RAPGEF5: variants seen among roughly 807,000 people sequenced by gnomAD.
RAPGEF5 encodes M-Ras-regulated GEF.
In RAPGEF5, 65 loss-of-function variants were observed where a neutral mutation model predicts 125.2. That is an observed-to-expected ratio of 0.52 (90% CI 0.43 to 0.64). The LOEUF (loss-of-function observed/expected upper bound fraction) is 0.64, where lower values mean the gene tolerates loss of function less well. RAPGEF5 is among the 30% of genes least tolerant of loss of function. RAPGEF5 has a pLI of 0.00. For missense variants in RAPGEF5, 958 were observed against 1,048.1 expected (o/e 0.91, Z 1.19); for synonymous variants, 391 against 385.9 (o/e 1.01, Z -0.16).
chr7:22,304,695 G>A (rs1292949479), intron 5 of RAPGEF5, among the ~76,000 whole-genome samples: 1 of 152,208 alleles, frequency 6.6e-6, no homozygotes, highest in African/African-American at 2.4e-5. Flanking sequence ...GACAGGAAAG[G>A]CTGAAAGGAG....
At chr7:22,349,931 A>G (rs1784297810) in intron 1 of RAPGEF5, among the ~76,000 whole-genome samples, 1 of 152,156 alleles carries the variant, frequency 6.6e-6, no homozygotes, top group African/African-American at 2.4e-5. Flanking sequence ...GGAGGTTTCA[A>G]TCTGAAGAAG....
chr7:22,330,758 T>G (rs866123002), intron 1 of RAPGEF5, among the ~76,000 whole-genome samples: 7 of 152,296 alleles, frequency 4.6e-5, no homozygotes, highest in South Asian at 4.1e-4. Flanking sequence ...TATATCAGCT[T>G]CAGAAACAGG....
chr7:22,196,627 AAATGCAAGAGAC>A (rs1469910369), intron 9 of RAPGEF5, among the ~76,000 whole-genome samples: 2 of 152,212 alleles, frequency 1.3e-5, no homozygotes, highest in African/African-American at 4.8e-5. Context: ...AGATGTGGCC[AAATGCAAGAGAC>A]AATGCAAAAG....
chr7:22,325,808 T>A (rs1329704132), intron 1 of RAPGEF5, among the ~76,000 whole-genome samples: 1 of 152,182 alleles, frequency 6.6e-6, no homozygotes, highest in Non-Finnish European at 1.5e-5. Flanking sequence ...AAGCAATCCT[T>A]GCACCACAGG....
intron 6 of RAPGEF5, among the ~76,000 whole-genome samples, chr7:22,284,523 T>C (rs10262849): frequency 0.21 from 31,444 of 152,158 alleles, 3,661 homozygotes; most frequent in East Asian, 0.52. Flanking sequence ...CAAAACTCAA[T>C]CTGCCTGGCC....
At chr7:22,264,333 T>G (rs532864986) in intron 7 of RAPGEF5, among the ~76,000 whole-genome samples, 56 of 152,318 alleles carry the variant, frequency 3.7e-4, no homozygotes, top group African/African-American at 1.3e-3. Context: ...TGAGATCACT[T>G]TACTCTGTCC....
chr7:22,142,148 C>T (rs971345695), intron 20 of RAPGEF5, among the ~76,000 whole-genome samples: 3 of 152,182 alleles, frequency 2.0e-5, no homozygotes, highest in Non-Finnish European at 2.9e-5. Flanking sequence ...AGCTCCAGTT[C>T]GAAGTCTCTC....
At chr7:22,202,220 A>G (rs915710598) in intron 9 of RAPGEF5, among the ~76,000 whole-genome samples, 1 of 152,154 alleles carries the variant, frequency 6.6e-6, no homozygotes, top group Non-Finnish European at 1.5e-5. Flanking sequence ...TGGGCATAGC[A>G]CTCTGACGCA....
intron 7 of RAPGEF5, among the ~76,000 whole-genome samples, chr7:22,240,209 C>CA (rs35460153): frequency 0.032 from 2,537 of 78,570 alleles, 89 homozygotes; most frequent in African/African-American, 0.093. Context: ...GACTCCACCT[C>CA]AAAAAAAAAA....
At chr7:22,230,727 A>T in intron 8 of RAPGEF5, 119 bp downstream of exon 8, 3 of 907,900 alleles carry the variant, frequency 3.3e-6, no homozygotes, top group South Asian at 1.7e-5. Context: ...TATTCCCAAT[A>T]ACATGGCTAT....
intron 7 of RAPGEF5, among the ~76,000 whole-genome samples, chr7:22,248,752 C>T (rs764726424): frequency 9.2e-5 from 14 of 152,132 alleles, no homozygotes; most frequent in South Asian, 2.1e-4. Flanking sequence ...GTTCTACCTC[C>T]GGAACTAGGA....
intron 7 of RAPGEF5, among the ~76,000 whole-genome samples, chr7:22,236,188 G>A (rs1583504765): frequency 1.3e-5 from 2 of 152,148 alleles, no homozygotes; most frequent in East Asian, 3.9e-4. Context: ...TTCTAAAAAT[G>A]CAAGCTTTCC....
At chr7:22,235,479 C>G (rs976876994) in intron 7 of RAPGEF5, among the ~76,000 whole-genome samples, 1 of 152,072 alleles carries the variant, frequency 6.6e-6, no homozygotes, top group South Asian at 2.1e-4. Flanking sequence ...GGTTTCTTTT[C>G]CCTCTTAATG....
Position 22,291,159 on chromosome 7 carries a change from A to G in RAPGEF5, c.747+16T>C. On this transcript the variant is annotated intron_variant, in intron 6 of 25. Coordinates refer to ENST00000665637, the MANE Select transcript of RAPGEF5 (RefSeq NM_012294.5). ...TTATTTCTGCACCCCTAGGCAGGAA[A>G]ATTGCATGGTCTTACCGCAGATGTT... The G allele has an allele frequency of 6.4e-7, 1 of 1,573,164 alleles. No homozygotes were observed. Among genetic ancestry groups the G allele is most frequent in the Non-Finnish European group, 8.6e-7 (1 of 1,162,488 alleles).
intron 9 of RAPGEF5, among the ~76,000 whole-genome samples, chr7:22,205,846 T>C (rs1255901138): frequency 6.6e-6 from 1 of 152,230 alleles, no homozygotes; most frequent in African/African-American, 2.4e-5. Flanking sequence ...AACAGACACT[T>C]CTAGCTGGAT....
rs1782525733 is a variant in RAPGEF5 at position 22,119,682 on chromosome 7, C to T, written c.*2724G>A. The T allele has an allele frequency of 6.6e-6, 1 of 152,208 alleles. No individual in the cohort carries two copies. The highest frequency in any genetic ancestry group is 2.4e-5 in the African/African-American group (1 of 41,458). The allele number at this position is 152,208 out of a possible 1,614,324, so 9.4% of individuals were successfully genotyped here. ...AAGAGCCCACTTAGAAGTGCCCCTGCACCACCTGGTGCCGAAGGTGCCAGA... is the reference window on the plus strand; with the variant it reads ...AAGAGCCCACTTAGAAGTGCCCCTGTACCACCTGGTGCCGAAGGTGCCAGA... On this transcript the variant is annotated 3_prime_UTR_variant, in exon 26 of 26. Coordinates refer to ENST00000665637, the MANE Select transcript of RAPGEF5 (RefSeq NM_012294.5). The surrounding 1 kb of genome is among the most constrained non-coding windows in gnomAD (Gnocchi z 4.1).
intron 1 of RAPGEF5, among the ~76,000 whole-genome samples, chr7:22,331,761 AG>A (rs1359629069): frequency 3.3e-5 from 5 of 150,904 alleles, no homozygotes; most frequent in Admixed American, 6.6e-5. Flanking sequence ...AAAAAAAAAA[AG>A]AAAAAAGAAA....
intron 5 of RAPGEF5, among the ~76,000 whole-genome samples, chr7:22,300,987 G>A (rs1386779290): frequency 1.3e-5 from 2 of 152,178 alleles, no homozygotes; most frequent in Non-Finnish European, 2.9e-5. Context: ...TCTGAGGCCT[G>A]CCTTTGAGGC....
At chr7:22,334,531 AAAG>A (rs1247582769) in intron 1 of RAPGEF5, among the ~76,000 whole-genome samples, 1 of 152,242 alleles carries the variant, frequency 6.6e-6, no homozygotes, top group African/African-American at 2.4e-5. Context: ...TAAGGCAAGC[AAAG>A]AAGAGATTGT....
Sources: allele counts gnomAD v4.1 joint callset (sites outside exome capture counted in the v4.1 genomes callset), GRCh38; gene constraint gnomAD v4.1.1; non-coding constraint Gnocchi (gnomAD v3.1); transcripts MANE v1.5; gene names NCBI Gene and HGNC (gene_info 2026-07-23, HGNC 2026-07-21).